SCMH1: variants seen among roughly 807,000 people sequenced by gnomAD.
SCMH1 encodes the protein polycomb protein SCMH1.
In SCMH1, 37 loss-of-function variants were observed where a neutral mutation model predicts 70.8. The observed-to-expected ratio is 0.52, with a 90% CI of 0.40 to 0.69. The LOEUF (loss-of-function observed/expected upper bound fraction) is 0.69, where lower values mean the gene tolerates loss of function less well. Ranked by LOEUF, SCMH1 falls within the 30% of genes least tolerant of loss-of-function variation. The pLI is 0.00. For missense variants in SCMH1, 607 were observed against 827.3 expected, an observed-to-expected ratio of 0.73 and a Z score of 3.27; for synonymous variants, 292 against 307.4, an observed-to-expected ratio of 0.95 and a Z score of 0.52.
intron 10 of SCMH1, among the ~76,000 whole-genome samples, chr1:41,051,498 C>T (rs1648133222): frequency 1.3e-5 from 2 of 152,104 alleles, no homozygotes; most frequent in Admixed American, 1.3e-4. Flanking sequence ...ATGACAGCTC[C>T]ATGCATGTTA....
intron 6 of SCMH1, among the ~76,000 whole-genome samples, chr1:41,136,628 T>C (rs1475839581): frequency 6.6e-6 from 1 of 152,096 alleles, no homozygotes; most frequent in East Asian, 1.9e-4. Context: ...CACCTCGGCC[T>C]CCGAAAGTGC....
At chr1:41,037,268 C>G (rs1293715902) in intron 13 of SCMH1, 94 bp downstream of exon 13, 1 of 1,311,360 alleles carries the variant, frequency 7.6e-7, no homozygotes, top group Non-Finnish European at 1.1e-6. Context: ...CAGAGGGCAA[C>G]AGAGCTAGGT....
At chr1:41,038,387 A>G (rs1645611471) in intron 12 of SCMH1, among the ~76,000 whole-genome samples, 1 of 152,150 alleles carries the variant, frequency 6.6e-6, no homozygotes, top group Admixed American at 6.5e-5. Context: ...CCTAGGCCAC[A>G]GCTTCTCTGC....
intron 1 of SCMH1, among the ~76,000 whole-genome samples, chr1:41,221,758 G>A (rs1659334367): frequency 6.6e-6 from 1 of 151,600 alleles, no homozygotes; most frequent in South Asian, 2.1e-4. Context: ...CAGGTGTGGT[G>A]GCAGGCACCT....
At chr1:41,048,248 A>G (rs758968111) in intron 11 of SCMH1, among the ~76,000 whole-genome samples, 15 of 152,216 alleles carry the variant, frequency 9.9e-5, no homozygotes, top group Non-Finnish European at 1.9e-4. Flanking sequence ...ACTTTTCCCA[A>G]CCACCCTGGG....
rs575402018 is a variant in SCMH1, at chr1:41,241,730, C to T, written c.-118+329G>A. ...TACGGACCGCCCCCACGCCGACCCT[C>T]CAAAGGGCCCCCGGCCTTGGGTTTC... On this transcript the variant is annotated intron_variant, in intron 1 of 14. Coordinates refer to ENST00000337495, the Ensembl canonical transcript of SCMH1. Among the ~76,000 whole-genome samples the T allele has an allele frequency of 3.3e-5, 5 of 152,002 alleles. No homozygotes were observed. In the South Asian group the frequency reaches 6.2e-4, roughly 19 times the overall value.
At chr1:41,129,805 T>C (rs1674175699) in intron 6 of SCMH1, among the ~76,000 whole-genome samples, 1 of 152,050 alleles carries the variant, frequency 6.6e-6, no homozygotes, top group South Asian at 2.1e-4. Context: ...TTTAAGAAAA[T>C]AGTTGGGGGT....
intron 12 of SCMH1, chr1:41,041,283 C>T (rs1431600621): frequency 1.3e-5 from 2 of 152,026 alleles, no homozygotes; most frequent in African/African-American, 4.8e-5. Flanking sequence ...ACTGCTCTTT[C>T]ATTCAACAAA....
At chr1:41,125,667 G>C (rs1030069468) in intron 6 of SCMH1, among the ~76,000 whole-genome samples, 2 of 151,716 alleles carry the variant, frequency 1.3e-5, no homozygotes, top group African/African-American at 4.8e-5. Context: ...CGACCTCCCA[G>C]ACTCAAGGGG....
At chr1:41,104,090 T>C (rs551565276) in intron 8 of SCMH1, among the ~76,000 whole-genome samples, 1 of 152,304 alleles carries the variant, frequency 6.6e-6, no homozygotes, top group African/African-American at 2.4e-5. Context: ...GGCCTGGGGA[T>C]CTTGATTCAG....
At chr1:41,174,851 G>A (rs1647007909) in intron 2 of SCMH1, among the ~76,000 whole-genome samples, 1 of 152,136 alleles carries the variant, frequency 6.6e-6, no homozygotes, top group Non-Finnish European at 1.5e-5. Flanking sequence ...TTAAGTTACA[G>A]GCTATCAGGA....
chr1:41,039,029 A>AT (rs1165356235), intron 12 of SCMH1, among the ~76,000 whole-genome samples: 2 of 152,214 alleles, frequency 1.3e-5, no homozygotes, highest in East Asian at 3.8e-4. Context: ...AAAAATTGTT[A>AT]TTTTGTATTT....
intron 8 of SCMH1, among the ~76,000 whole-genome samples, chr1:41,112,793 T>C (rs1287502938): frequency 1.3e-5 from 2 of 152,196 alleles, no homozygotes; most frequent in Admixed American, 1.3e-4. Context: ...TGCCCAAAGC[T>C]ACACAGCTGA....
chr1:41,165,765 A>G (rs1646372428), intron 2 of SCMH1, among the ~76,000 whole-genome samples: 1 of 151,928 alleles, frequency 6.6e-6, no homozygotes, highest in Non-Finnish European at 1.5e-5. Flanking sequence ...TTGAGTTCCT[A>G]GTATATTTCG....
chr1:41,156,217 G>A (rs997194767), intron 4 of SCMH1, among the ~76,000 whole-genome samples: 3 of 152,058 alleles, frequency 2.0e-5, no homozygotes, highest in African/African-American at 7.2e-5. Flanking sequence ...TTGACAGGCT[G>A]GCTACTCATG....
intron 10 of SCMH1, among the ~76,000 whole-genome samples, chr1:41,061,173 A>G (rs1033445164): frequency 4.6e-5 from 7 of 152,210 alleles, no homozygotes; most frequent in African/African-American, 7.2e-5. Context: ...AGTTTAAACG[A>G]TAATAGCCCT....
chr1:41,046,301 T>G (rs917381120), intron 12 of SCMH1, 106 bp downstream of exon 12: 1 of 877,014 alleles, frequency 1.1e-6, no homozygotes. Flanking sequence ...GACCTCTAGA[T>G]AGTAGGTGCC....
intron 2 of SCMH1, among the ~76,000 whole-genome samples, chr1:41,172,986 G>GA (rs371433309): frequency 6.6e-6 from 1 of 151,614 alleles, no homozygotes; most frequent in Non-Finnish European, 1.5e-5. Flanking sequence ...AAAACTACTA[G>GA]AAAAAAAATG....
intron 10 of SCMH1, among the ~76,000 whole-genome samples, chr1:41,067,458 C>CAAAAAAAAAAAAAAAAAA (rs60607308): frequency 1.7e-5 from 1 of 60,302 alleles, no homozygotes; most frequent in Non-Finnish European, 3.0e-5. Flanking sequence ...ACAACAACAA[C>CAAAAAAAAAAAAAAAAAA]AAAAAAAAAA....
Sources: gnomAD v4.1 joint callset for allele counts (sites outside exome capture counted in the v4.1 genomes callset) on GRCh38, gnomAD v4.1.1 for gene constraint, MANE v1.5 for transcripts, NCBI Gene and HGNC (gene_info 2026-07-23, HGNC 2026-07-21) for gene names.